The following CCDC171 variants were observed in gnomAD, a reference collection of about 807,000 sequenced individuals.
The protein encoded by CCDC171 is coiled-coil domain containing 171.
A neutral mutation model predicts 168.2 loss-of-function variants in CCDC171; 177 were observed. That is an observed-to-expected ratio of 1.05 (90% CI 0.93 to 1.19). The LOEUF (loss-of-function observed/expected upper bound fraction) is 1.19, where lower values mean the gene tolerates loss of function less well. CCDC171 is among the 50% of genes most tolerant of loss of function. The pLI, the probability that CCDC171 is intolerant of heterozygous loss-of-function variation, is 0.00. For synonymous variants in CCDC171, 687 were observed against 540.8 expected (o/e 1.27, Z -3.75); for missense variants, 1,991 against 1,539.0 (o/e 1.29, Z -4.91).
chr9:15,734,620 TA>T (rs2054367778), intron 16 of CCDC171, among the ~76,000 whole-genome samples: 1 of 152,184 alleles, frequency 6.6e-6, no homozygotes, highest in Non-Finnish European at 1.5e-5. Flanking sequence ...TTTTATCAAA[TA>T]TAATTGAATA....
chr9:15,698,316 T>A (rs1303441351), intron 11 of CCDC171, among the ~76,000 whole-genome samples: 1 of 151,970 alleles, frequency 6.6e-6, no homozygotes, highest in Non-Finnish European at 1.5e-5. Flanking sequence ...GGTCAGGAGA[T>A]TGAGACCATC....
intron 23 of CCDC171, among the ~76,000 whole-genome samples, chr9:15,869,106 A>T (rs2061916340): frequency 1.3e-5 from 2 of 152,028 alleles, no homozygotes; most frequent in Admixed American, 1.3e-4. Context: ...TGCAGCTTAA[A>T]ATATATACTT....
At chr9:15,594,983 A>G (rs1181120592) in intron 6 of CCDC171, among the ~76,000 whole-genome samples, 1 of 152,168 alleles carries the variant, frequency 6.6e-6, no homozygotes, top group Non-Finnish European at 1.5e-5. Context: ...TTTTTTCGAC[A>G]CAGAATGACA....
intron 16 of CCDC171, among the ~76,000 whole-genome samples, chr9:15,732,104 T>C (rs1236259679): frequency 6.6e-6 from 1 of 152,130 alleles, no homozygotes; most frequent in African/African-American, 2.4e-5. Context: ...TCCTTTGTCA[T>C]GTATATGCAT....
the CCDC171 span, among the ~76,000 whole-genome samples, chr9:16,080,150 C>G: frequency 6.6e-5 from 10 of 152,182 alleles, no homozygotes; most frequent in South Asian, 1.7e-3. Flanking sequence ...AGCCTTTACC[C>G]TCTCAGGCAC....
chr9:15,983,511 T>TGTGA lies in CCDC171; in HGVS notation n.369-37077_369-37076insTGAG, dbSNP rs1554707509. ...GTGTGTGTGTGTGTGTGTGTGTGTG[T>TGTGA]GAGAGAGAGAGAATCTCTGAAGCAT... On this transcript the variant is annotated intron_variant and non_coding_transcript_variant, in intron 3 of 9. Transcript: ENST00000486641. Among the ~76,000 whole-genome samples the TGTGA allele has an allele frequency of 5.3e-3, 733 of 137,330 alleles. 6 individuals are homozygous for TGTGA. Among genetic ancestry groups the TGTGA allele is most frequent in the East Asian group, 0.039 (182 of 4,636 alleles). 90.1% of individuals were successfully genotyped at this position (137,330 alleles called of 152,430 possible).
chr9:15,665,405 A>C (rs2048662569), intron 8 of CCDC171, among the ~76,000 whole-genome samples: 1 of 152,240 alleles, frequency 6.6e-6, no homozygotes, highest in South Asian at 2.1e-4. Context: ...AGGAATAAAA[A>C]GATCTGTTAA....
At chr9:15,678,660 C>G (rs1354041115) in intron 9 of CCDC171, 98 bp from the exon 10 acceptor site, 1 of 938,548 alleles carries the variant, frequency 1.1e-6, no homozygotes, top group East Asian at 2.8e-5. Context: ...AGCATGAACA[C>G]ATGATATGTA....
chr9:15,630,837 C>T (rs570778917), intron 7 of CCDC171, among the ~76,000 whole-genome samples: 42 of 152,294 alleles, frequency 2.8e-4, no homozygotes, highest in Non-Finnish European at 4.7e-4. Flanking sequence ...GACCACAGTG[C>T]AATCAAACTA....
chr9:15,728,006 G>T lies in CCDC171; in HGVS notation c.1830G>T (p.Leu610=). The change falls in exon 15 of 26, where the codon CTG becomes CTT. Residue 610 remains leucine (L), a synonymous_variant. Coordinates refer to ENST00000380701, the MANE Select transcript of CCDC171 (RefSeq NM_173550.4). ...TCTTACAGGAGAATGTTGATGCCCTGATTGCAGACCTCAACAGGGCTAATG... is the reference window on the plus strand; with the variant it reads ...TCTTACAGGAGAATGTTGATGCCCTTATTGCAGACCTCAACAGGGCTAATG... ...CAVLQENVDA[L]IADLNRANEK... 1 of 1,612,742 alleles carries T rather than the reference G, an allele frequency of 6.2e-7. No individual in the cohort carries two copies. Among genetic ancestry groups the T allele is most frequent in the Non-Finnish European group, 8.5e-7 (1 of 1,179,276 alleles).
At chr9:16,012,394 A>G (rs1832892969) in intron 3 of CCDC171, among the ~76,000 whole-genome samples, 1 of 152,052 alleles carries the variant, frequency 6.6e-6, no homozygotes, top group Non-Finnish European at 1.5e-5. Flanking sequence ...TCATTCTTGT[A>G]TTATTTCTTT....
At chr9:16,053,218 G>A (rs1004989585) in intron 1 of CCDC171, among the ~76,000 whole-genome samples, 3 of 152,262 alleles carry the variant, frequency 2.0e-5, no homozygotes, top group Non-Finnish European at 2.9e-5. Flanking sequence ...GAAACCTGCA[G>A]TGCTCAGGGG....
intron 21 of CCDC171, among the ~76,000 whole-genome samples, chr9:15,793,311 C>T (rs2058369292): frequency 6.6e-6 from 1 of 151,776 alleles, no homozygotes; most frequent in South Asian, 2.1e-4. Flanking sequence ...CAGGAGCACC[C>T]AGATTCATAA....
chr9:15,951,439 T>C lies in CCDC171; in HGVS notation c.3754-20170T>C, dbSNP rs1246383191. The stretch of plus-strand genomic sequence containing the variant: ...CTACACTGTTGTACTATTTTACATT[T>C]CCACCAACAGAGCAAAGATCCTAAT... On this transcript the variant is annotated intron_variant, in intron 25 of 25. Coordinates refer to ENST00000380701, the MANE Select transcript of CCDC171 (RefSeq NM_173550.4). 3.9e-5 allele frequency among the ~76,000 whole-genome samples: 6 copies of C among 152,274 alleles called. No individual in the cohort carries two copies. In the East Asian group the frequency reaches 1.2e-3, roughly 29 times the overall value.
chr9:15,666,389 G>C, intron 9 of CCDC171, 66 bp downstream of exon 9: 1 of 1,119,366 alleles, frequency 8.9e-7, no homozygotes, highest in East Asian at 2.6e-5. Flanking sequence ...TATAAAATAT[G>C]AATGTATACT....
chr9:16,072,335 C>T, the CCDC171 span, among the ~76,000 whole-genome samples: 1 of 152,186 alleles, frequency 6.6e-6, no homozygotes, highest in African/African-American at 2.4e-5. Flanking sequence ...TATGCTCCTC[C>T]TGGTCTCTCC....
chr9:15,969,594 A>G (rs1421159703), intron 25 of CCDC171, among the ~76,000 whole-genome samples: 1 of 152,172 alleles, frequency 6.6e-6, no homozygotes, highest in Non-Finnish European at 1.5e-5. Flanking sequence ...TTAGACCAGA[A>G]CTTGAAGTAT....
rs1335040409 is a variant in CCDC171 at position 16,021,635 on chromosome 9, C to T, written n.575-697C>T. Among the ~76,000 whole-genome samples, 3 of 152,264 alleles carry T rather than the reference C, an allele frequency of 2.0e-5. No individual in the cohort carries two copies. In the East Asian group the frequency reaches 5.8e-4, roughly 29 times the overall value. ...TGAAAAATGGAGGAAATAAATGTCT[C>T]ATAAATTTGTAGTGGTTGAGGATTA... On this transcript the variant is annotated intron_variant and non_coding_transcript_variant, in intron 4 of 9. Coordinates refer to the CCDC171 transcript ENST00000486641.
chr9:16,056,741 G>A (rs1833848753), intron 1 of CCDC171, among the ~76,000 whole-genome samples: 1 of 152,128 alleles, frequency 6.6e-6, no homozygotes, highest in African/African-American at 2.4e-5. Flanking sequence ...GCCTGCCTTG[G>A]TTTCCCAAAG....
Sources: allele counts gnomAD v4.1 joint callset (sites outside exome capture counted in the v4.1 genomes callset), GRCh38; gene constraint gnomAD v4.1.1; transcripts MANE v1.5; gene names NCBI Gene and HGNC (gene_info 2026-07-23, HGNC 2026-07-21).